The following OTOGL variants were observed in gnomAD, a reference collection of about 807,000 sequenced individuals.
OTOGL encodes the protein otogelin-like protein.
A neutral mutation model predicts 318.5 loss-of-function variants in OTOGL; 285 were observed. The observed-to-expected ratio is 0.89, with a 90% confidence interval of 0.81 to 0.99. The LOEUF (loss-of-function observed/expected upper bound fraction) is 0.99. OTOGL is among the 50% of genes least tolerant of loss of function. The pLI is 0.00. For synonymous variants in OTOGL, 987 were observed against 936.5 expected (o/e 1.05, Z -0.99); for missense variants, 2,899 against 2,845.6 (o/e 1.02, Z -0.43).
chr12:80,377,459 T>G (rs1592463537), intron 58 of OTOGL, among the ~76,000 whole-genome samples: 1 of 152,206 alleles, frequency 6.6e-6, no homozygotes, highest in African/African-American at 2.4e-5. Flanking sequence ...CTACATGTTG[T>G]CTTCACTATG....
chr12:80,107,324 A>G (rs1432772414), intron 1 of OTOGL, among the ~76,000 whole-genome samples: 1 of 152,218 alleles, frequency 6.6e-6, no homozygotes, highest in Non-Finnish European at 1.5e-5. Flanking sequence ...ATATGAAAAA[A>G]TGCTCAACAT....
At chr12:80,103,680 T>A (rs945108300) in intron 1 of OTOGL, among the ~76,000 whole-genome samples, 3 of 152,226 alleles carry the variant, frequency 2.0e-5, no homozygotes, top group Non-Finnish European at 4.4e-5. Flanking sequence ...GCCTTGCACA[T>A]AGTTGGCATT....
chr12:80,115,606 C>T (rs751549809), intron 1 of OTOGL, among the ~76,000 whole-genome samples: 1 of 152,176 alleles, frequency 6.6e-6, no homozygotes, highest in Non-Finnish European at 1.5e-5. Flanking sequence ...TCTCCAGAGC[C>T]AGCAGTCAAG....
chr12:80,358,120 A>T (rs1890019288), intron 49 of OTOGL, 128 bp from the exon 50 acceptor site: 5 of 671,956 alleles, frequency 7.4e-6, no homozygotes, highest in Non-Finnish European at 1.3e-5. Flanking sequence ...ATAAGGAAAT[A>T]TACCTCATGT....
At chr12:80,157,257 C>A (rs761576175) in intron 1 of OTOGL, among the ~76,000 whole-genome samples, 1 of 152,040 alleles carries the variant, frequency 6.6e-6, no homozygotes, top group African/African-American at 2.4e-5. Flanking sequence ...ACTGTCTATT[C>A]AAATCTTTTG....
chr12:80,151,337 C>G (rs1872769352), intron 1 of OTOGL, among the ~76,000 whole-genome samples: 1 of 152,160 alleles, frequency 6.6e-6, no homozygotes, highest in African/African-American at 2.4e-5. Flanking sequence ...CGCAGAGTCA[C>G]AGCTCAAACA....
chr12:80,220,263 G>A (rs953545904), intron 6 of OTOGL, among the ~76,000 whole-genome samples: 1 of 151,974 alleles, frequency 6.6e-6, no homozygotes, highest in Non-Finnish European at 1.5e-5. Flanking sequence ...AACCTCAAGC[G>A]ATTCTCCCAC....
At chr12:80,136,669 G>A (rs937851111) in intron 1 of OTOGL, among the ~76,000 whole-genome samples, 2 of 152,036 alleles carry the variant, frequency 1.3e-5, no homozygotes, top group African/African-American at 2.4e-5. Flanking sequence ...TGTGAACAAC[G>A]GTATAGGTCT....
chr12:80,249,380 AACAG>A (rs1565927892), intron 11 of OTOGL, among the ~76,000 whole-genome samples: 3 of 151,110 alleles, frequency 2.0e-5, no homozygotes, highest in African/African-American at 7.4e-5. Flanking sequence ...TTTCCCTTCT[AACAG>A]ACAGGACCCT....
At chr12:80,199,242 A>G (rs1307940398) in intron 1 of OTOGL, among the ~76,000 whole-genome samples, 1 of 152,180 alleles carries the variant, frequency 6.6e-6, no homozygotes, top group Non-Finnish European at 1.5e-5. Context: ...CAAACCTACC[A>G]TGCTTTTTCC....
intron 1 of OTOGL, among the ~76,000 whole-genome samples, chr12:80,120,536 T>C (rs542624126): frequency 6.6e-6 from 1 of 152,266 alleles, no homozygotes; most frequent in East Asian, 1.9e-4. Flanking sequence ...ATGTGCAAAC[T>C]TCTTGAAAAA....
chr12:80,209,354 A>T lies in OTOGL; in HGVS notation c.-19-59A>T, dbSNP rs1031172921. On this transcript the variant is annotated intron_variant, in intron 1 of 58. Transcript: ENST00000547103. ...TTTATTAGAATTTGAGTACCCTACAAATATGCATACTTCTAAGATGCCATC... is the reference window on the plus strand; with the variant it reads ...TTTATTAGAATTTGAGTACCCTACATATATGCATACTTCTAAGATGCCATC... 9.5e-6 allele frequency: 9 copies of T among 952,360 alleles called. No individual in the cohort carries two copies. In the African/African-American group the frequency reaches 1.5e-4, roughly 16 times the overall value. The allele number at this position is 952,360 out of a possible 1,614,324, so 59.0% of individuals were successfully genotyped here.
At chr12:80,125,309 T>C (rs1048215834) in intron 1 of OTOGL, among the ~76,000 whole-genome samples, 2 of 152,212 alleles carry the variant, frequency 1.3e-5, no homozygotes, top group African/African-American at 4.8e-5. Flanking sequence ...GTGGCTTTTG[T>C]CATTGGTTCT....
At chr12:80,285,593 T>C (rs976596231) in intron 26 of OTOGL, among the ~76,000 whole-genome samples, 21 of 152,182 alleles carry the variant, frequency 1.4e-4, no homozygotes, top group African/African-American at 4.3e-4. Flanking sequence ...ATCCTTCACA[T>C]ACATTGTAAG....
intron 5 of OTOGL, among the ~76,000 whole-genome samples, chr12:80,219,460 G>A (rs1878078615): frequency 6.6e-6 from 1 of 152,170 alleles, no homozygotes; most frequent in Non-Finnish European, 1.5e-5. Context: ...TGCAGCCAGC[G>A]CCAAACTCTG....
chr12:80,275,231 A>G (rs1883709949), intron 24 of OTOGL, among the ~76,000 whole-genome samples: 1 of 151,990 alleles, frequency 6.6e-6, no homozygotes, highest in African/African-American at 2.4e-5. Context: ...TTAGTGATTC[A>G]TGGGTAGAGG....
intron 34 of OTOGL, among the ~76,000 whole-genome samples, chr12:80,321,506 C>T (rs955117693): frequency 2.6e-5 from 4 of 152,212 alleles, no homozygotes; most frequent in African/African-American, 7.2e-5. Flanking sequence ...AGCACACCAA[C>T]ATCGCACATG....
At chr12:80,331,941 A>G (rs147845709) in intron 37 of OTOGL, among the ~76,000 whole-genome samples, 4 of 152,210 alleles carry the variant, frequency 2.6e-5, no homozygotes, top group African/African-American at 9.6e-5. Flanking sequence ...AAGGGAAGGA[A>G]GAAGGGGAAG....
chr12:80,307,135 G>C (rs1275625059), intron 29 of OTOGL, among the ~76,000 whole-genome samples: 1 of 150,902 alleles, frequency 6.6e-6, no homozygotes, highest in Non-Finnish European at 1.5e-5. Context: ...TAAGGTCACC[G>C]ATCAACAGGA....
Sources: allele counts gnomAD v4.1 joint callset (sites outside exome capture counted in the v4.1 genomes callset), GRCh38; gene constraint gnomAD v4.1.1; transcripts MANE v1.5; gene names NCBI Gene and HGNC (gene_info 2026-07-23, HGNC 2026-07-21).